KLHL3: variants seen among roughly 807,000 people sequenced by gnomAD.
The protein encoded by KLHL3 is kelch like family member 3.
In KLHL3, 19 loss-of-function variants were observed where a neutral mutation model predicts 70.5. The observed-to-expected ratio is 0.27, with a 90% CI of 0.19 to 0.40. KLHL3 has a LOEUF of 0.40. KLHL3 is among the 10% of genes least tolerant of loss of function. The pLI, the probability that KLHL3 is intolerant of heterozygous loss-of-function variation, is 1.00. For synonymous variants in KLHL3, 258 were observed against 290.3 expected (o/e 0.89, Z 1.13); for missense variants, 512 against 771.1 (o/e 0.66, Z 3.98).
chr5:137,625,489 T>C (rs772337437), intron 14 of KLHL3, among the ~76,000 whole-genome samples: 2 of 151,910 alleles, frequency 1.3e-5, no homozygotes, highest in African/African-American at 2.4e-5. Context: ...TTCGATGGAA[T>C]GAATGTTATA....
At chr5:137,665,911 G>T (rs961171249) in intron 6 of KLHL3, among the ~76,000 whole-genome samples, 2 of 152,162 alleles carry the variant, frequency 1.3e-5, no homozygotes, top group African/African-American at 2.4e-5. Flanking sequence ...AAAAGGAAAG[G>T]AGTAGTATGT....
At chr5:137,699,859 G>T (rs1454566826) in intron 3 of KLHL3, among the ~76,000 whole-genome samples, 1 of 152,200 alleles carries the variant, frequency 6.6e-6, no homozygotes, top group Non-Finnish European at 1.5e-5. Flanking sequence ...ATAAAGTACA[G>T]TACAGCATGT....
chr5:137,634,003 C>T (rs1353028987), intron 12 of KLHL3, 34 bp downstream of exon 12: 14 of 1,613,804 alleles, frequency 8.7e-6, no homozygotes, highest in Non-Finnish European at 9.3e-6. Context: ...GTGAGCAAAT[C>T]AGACACAGCC....
At chr5:137,671,139 A>G (rs1751749534) in intron 6 of KLHL3, among the ~76,000 whole-genome samples, 1 of 151,990 alleles carries the variant, frequency 6.6e-6, no homozygotes, top group Non-Finnish European at 1.5e-5. Context: ...ATTTCCCACC[A>G]TTCTCCACGG....
intron 4 of KLHL3, among the ~76,000 whole-genome samples, chr5:137,695,770 G>C (rs1421306934): frequency 6.6e-6 from 1 of 152,212 alleles, no homozygotes; most frequent in Non-Finnish European, 1.5e-5. Flanking sequence ...GCAGTGACAA[G>C]ATTATGAACA....
chr5:137,718,715 G>C (rs1304375388), intron 2 of KLHL3, among the ~76,000 whole-genome samples: 1 of 152,196 alleles, frequency 6.6e-6, no homozygotes, highest in African/African-American at 2.4e-5. Flanking sequence ...ATAGTGTCTA[G>C]GAAAGACAAG....
chr5:137,628,198 C>G, intron 13 of KLHL3, 99 bp downstream of exon 13: 1 of 1,455,904 alleles, frequency 6.9e-7, no homozygotes, highest in South Asian at 1.3e-5. Context: ...ATACGCTCAG[C>G]TCCAGACCCT....
At chr5:137,654,882 T>C (rs965913213) in intron 8 of KLHL3, among the ~76,000 whole-genome samples, 1 of 152,168 alleles carries the variant, frequency 6.6e-6, no homozygotes, top group Non-Finnish European at 1.5e-5. Flanking sequence ...ATTAAATCCC[T>C]GGGATGGAAC....
At chr5:137,725,957 T>C (rs943018824) in intron 1 of KLHL3, among the ~76,000 whole-genome samples, 35 of 152,206 alleles carry the variant, frequency 2.3e-4, no homozygotes, top group African/African-American at 7.5e-4. Context: ...AGGATAGACA[T>C]AGTTGGCCCT....
At chr5:137,665,483 A>C (rs1244095422) in intron 6 of KLHL3, among the ~76,000 whole-genome samples, 1 of 152,238 alleles carries the variant, frequency 6.6e-6, no homozygotes, top group South Asian at 2.1e-4. Flanking sequence ...GATTAAGCAA[A>C]ATGAAAGATT....
At chr5:137,736,089 TC>T, upstream of KLHL3, 1 of 281,578 alleles carries the variant, frequency 3.6e-6, no homozygotes, top group South Asian at 4.0e-5. Flanking sequence ...CTGCAAAGAA[TC>T]AGGCAGTTCG....
rs1011656344 is a variant in KLHL3 at position 137,637,204 on chromosome 5, C to T, written c.1321+90G>A. 109 of 1,025,420 alleles carry T rather than the reference C, an allele frequency of 1.1e-4. 2 individuals are homozygous for T. The Admixed American group carries it at 1.5e-3, about 14-fold the overall frequency. 63.5% of individuals were successfully genotyped at this position (1,025,420 alleles called of 1,614,324 possible). On this transcript the variant is annotated intron_variant, in intron 11 of 14. Transcript: ENST00000309755. ...AGGAGTGATCTCAGGAAAAAAAACA[C>T]GGTAGAGGAAGCACCAAGCATGATG...
Position 137,715,903 on chromosome 5 carries a change from C to A in KLHL3, c.134+4562G>T, listed in dbSNP as rs188012066. On this transcript the variant is annotated intron_variant, in intron 2 of 14. Coordinates refer to ENST00000309755, the MANE Select transcript of KLHL3 (RefSeq NM_017415.3). ...CCAGCAAGACTGGTACTCTTATTAG[C>A]CTCATTTTATGGTTGACAAAAGTGA... Among the ~76,000 whole-genome samples the A allele has an allele frequency of 3.3e-5, 5 of 152,272 alleles. No homozygotes were observed. In the East Asian group the frequency reaches 7.7e-4, roughly 23 times the overall value.
intron 8 of KLHL3, among the ~76,000 whole-genome samples, chr5:137,645,754 T>A (rs1443018396): frequency 6.6e-6 from 1 of 151,006 alleles, no homozygotes; most frequent in Non-Finnish European, 1.5e-5. Flanking sequence ...TTCAATGTAA[T>A]CCTTATCAAA....
chr5:137,686,220 G>C (rs187254511), intron 5 of KLHL3, among the ~76,000 whole-genome samples: 1 of 152,316 alleles, frequency 6.6e-6, no homozygotes, highest in East Asian at 1.9e-4. Flanking sequence ...CTCCCCAAAA[G>C]TGCATGTGGT....
chr5:137,638,872 C>A, intron 10 of KLHL3, 81 bp downstream of exon 10: 1 of 1,370,234 alleles, frequency 7.3e-7, no homozygotes, highest in South Asian at 1.3e-5. Context: ...GAAAGTTGGT[C>A]CAGAACTGGC....
chr5:137,662,666 T>C (rs1403810522), intron 6 of KLHL3, among the ~76,000 whole-genome samples: 1 of 152,226 alleles, frequency 6.6e-6, no homozygotes. Context: ...GGATGTTCAC[T>C]CTACTCAAGG....
intron 6 of KLHL3, among the ~76,000 whole-genome samples, chr5:137,663,894 CT>C (rs1751548711): frequency 6.6e-6 from 1 of 152,086 alleles, no homozygotes; most frequent in African/African-American, 2.4e-5. Context: ...AGTGCTGCCT[CT>C]TTGAGGGGAA....
chr5:137,730,409 T>G (rs774869138), intron 1 of KLHL3, among the ~76,000 whole-genome samples: 8 of 152,322 alleles, frequency 5.3e-5, no homozygotes, highest in Non-Finnish European at 8.8e-5. Flanking sequence ...TATGGGAAAT[T>G]GCAGTGTGTA....
Sources: allele counts gnomAD v4.1 joint callset (sites outside exome capture counted in the v4.1 genomes callset), GRCh38; gene constraint gnomAD v4.1.1; transcripts MANE v1.5; gene names NCBI Gene and HGNC (gene_info 2026-07-23, HGNC 2026-07-21).